TRIO: variants seen among roughly 807,000 people sequenced by gnomAD.
TRIO encodes trio Rho guanine nucleotide exchange factor.
Under a neutral mutation model 351.9 loss-of-function variants are expected in TRIO, and 58 were observed. That is an observed-to-expected ratio of 0.16 (90% confidence interval 0.13 to 0.21). The LOEUF (loss-of-function observed/expected upper bound fraction) is 0.21. TRIO is among the 10% of genes least tolerant of loss of function. TRIO has a pLI of 1.00. For missense variants in TRIO, 3,201 were observed against 4,027.8 expected (o/e 0.79, Z 5.56); for synonymous variants, 1,758 against 1,595.7 (o/e 1.10, Z -2.42).
intron 1 of TRIO, among the ~76,000 whole-genome samples, chr5:14,237,727 C>T (rs901004325): frequency 1.3e-5 from 2 of 152,206 alleles, no homozygotes; most frequent in Non-Finnish European, 2.9e-5. Flanking sequence ...GGCTCAGCCA[C>T]TTTCTCTACC....
At chr5:14,276,291 T>C (rs1581506818) in intron 2 of TRIO, among the ~76,000 whole-genome samples, 1 of 152,096 alleles carries the variant, frequency 6.6e-6, no homozygotes, top group Non-Finnish European at 1.5e-5. Context: ...TGACTGAGAG[T>C]GCGGGAACTG....
At chr5:14,227,592 A>T (rs1793130958) in intron 1 of TRIO, among the ~76,000 whole-genome samples, 1 of 152,228 alleles carries the variant, frequency 6.6e-6, no homozygotes, top group Admixed American at 6.5e-5. Flanking sequence ...CAAATAAAAG[A>T]TACCACCCTT....
intron 44 of TRIO, 103 bp from the exon 45 acceptor site, chr5:14,481,438 A>G: frequency 6.7e-7 from 1 of 1,497,622 alleles, no homozygotes; most frequent in Non-Finnish European, 9.3e-7. Flanking sequence ...TGCACACTAG[A>G]GGGTGGGGAG....
chr5:14,350,491 G>A (rs1742968584), intron 11 of TRIO, among the ~76,000 whole-genome samples: 1 of 152,182 alleles, frequency 6.6e-6, no homozygotes, highest in Admixed American at 6.5e-5. Context: ...CCGTCTGTGA[G>A]CTTTGGCCCC....
chr5:14,396,468 T>C (rs1269540295), intron 28 of TRIO, among the ~76,000 whole-genome samples: 46 of 87,616 alleles, frequency 5.3e-4, no homozygotes, highest in African/African-American at 2.2e-3. Context: ...TTTTTTTTTT[T>C]TTTTTTTTTT....
At chr5:14,466,715 T>C (rs1233823091) in intron 37 of TRIO, among the ~76,000 whole-genome samples, 1 of 152,242 alleles carries the variant, frequency 6.6e-6, no homozygotes, top group African/African-American at 2.4e-5. Flanking sequence ...ATAGTTCTGA[T>C]ACGTTTCCCT....
At chr5:14,308,000 G>T (rs1308454318) in intron 8 of TRIO, among the ~76,000 whole-genome samples, 1 of 152,014 alleles carries the variant, frequency 6.6e-6, no homozygotes, top group African/African-American at 2.4e-5. Flanking sequence ...GTGTCTTTTT[G>T]ATATGTCCTT....
chr5:14,208,505 C>G (rs75611837), intron 1 of TRIO, among the ~76,000 whole-genome samples: 81 of 152,220 alleles, frequency 5.3e-4, no homozygotes, highest in African/African-American at 1.9e-3. Context: ...GGGTATGGGC[C>G]GGTGAGAGGA....
intron 47 of TRIO, among the ~76,000 whole-genome samples, chr5:14,486,685 A>G (rs1755939957): frequency 6.6e-6 from 1 of 152,204 alleles, no homozygotes; most frequent in Admixed American, 6.5e-5. Context: ...TTGAGTAACT[A>G]GTAATACCTA....
chr5:14,299,168 TA>T (rs1379347826), intron 7 of TRIO, among the ~76,000 whole-genome samples: 7 of 152,174 alleles, frequency 4.6e-5, no homozygotes, highest in Non-Finnish European at 8.8e-5. Flanking sequence ...TGTTTTATTA[TA>T]AAAAATTTTA....
At chr5:14,184,049 T>C in intron 1 of TRIO, 1 of 687,222 alleles carries the variant, frequency 1.5e-6, no homozygotes. Context: ...GGACTGTTGA[T>C]GGACCTTGAC....
At chr5:14,486,018 T>G (rs1755890948) in intron 47 of TRIO, among the ~76,000 whole-genome samples, 1 of 151,778 alleles carries the variant, frequency 6.6e-6, no homozygotes, top group Admixed American at 6.6e-5. Context: ...GTTCAGTACT[T>G]CCCTGCTTCC....
intron 1 of TRIO, among the ~76,000 whole-genome samples, chr5:14,196,644 G>A (rs779616113): frequency 6.6e-6 from 1 of 152,064 alleles, no homozygotes; most frequent in Non-Finnish European, 1.5e-5. Context: ...TATAACCTGT[G>A]CTCTCCCCGT....
intron 34 of TRIO, among the ~76,000 whole-genome samples, chr5:14,444,512 C>T (rs1017620270): frequency 6.6e-6 from 1 of 152,214 alleles, no homozygotes; most frequent in Non-Finnish European, 1.5e-5. Context: ...CAGTTTGTCC[C>T]TGCTCACCCC....
At chr5:14,392,994 C>A (rs1236806825) in intron 27 of TRIO, among the ~76,000 whole-genome samples, 3 of 150,870 alleles carry the variant, frequency 2.0e-5, no homozygotes, top group Non-Finnish European at 2.9e-5. Context: ...TTGCAGTGAA[C>A]TGAGATCACG....
At chr5:14,172,067 C>G (rs1789128932) in intron 1 of TRIO, among the ~76,000 whole-genome samples, 1 of 152,170 alleles carries the variant, frequency 6.6e-6, no homozygotes, top group Non-Finnish European at 1.5e-5. Context: ...TCACTGTTAA[C>G]TTTTTGCCAA....
At chr5:14,270,499 C>A (rs953386085) in intron 1 of TRIO, among the ~76,000 whole-genome samples, 1 of 152,184 alleles carries the variant, frequency 6.6e-6, no homozygotes, top group Non-Finnish European at 1.5e-5. Flanking sequence ...CATTAATCTA[C>A]ATAAAAATTA....
chr5:14,389,901 G>A (rs1561430243), intron 25 of TRIO, among the ~76,000 whole-genome samples: 1 of 152,208 alleles, frequency 6.6e-6, no homozygotes, highest in African/African-American at 2.4e-5. Context: ...GGTGGCCTGT[G>A]ATGAGATGAT....
intron 21 of TRIO, among the ~76,000 whole-genome samples, chr5:14,385,982 A>G (rs2152359638): frequency 6.6e-6 from 1 of 152,360 alleles, no homozygotes; most frequent in East Asian, 1.9e-4. Context: ...AAGAGATGTT[A>G]GTGAAACAAG....
Sources: gnomAD v4.1 joint callset for allele counts (sites outside exome capture counted in the v4.1 genomes callset) on GRCh38, gnomAD v4.1.1 for gene constraint, MANE v1.5 for transcripts, NCBI Gene and HGNC (gene_info 2026-07-23, HGNC 2026-07-21) for gene names.